The following PHF24 variants were observed in gnomAD, a reference collection of about 807,000 sequenced individuals.
PHF24 encodes Galpha inhibitory interacting protein.
Under a neutral mutation model 42.6 loss-of-function variants are expected in PHF24, and 25 were observed. That is an observed-to-expected ratio of 0.59 (90% CI 0.43 to 0.82). The LOEUF (loss-of-function observed/expected upper bound fraction) is 0.82. PHF24 is among the 40% of genes least tolerant of loss of function. The probability of loss-of-function intolerance (pLI) is 0.00; values close to 1 mark genes in which losing one functional copy is unlikely to be tolerated. For missense variants in PHF24, 470 were observed against 538.1 expected, an observed-to-expected ratio of 0.87 and a Z score of 1.25; for synonymous variants, 185 against 204.8, an observed-to-expected ratio of 0.90 and a Z score of 0.83.
chr9:34,757,390 G>A, the PHF24 span, among the ~76,000 whole-genome samples: 5 of 151,544 alleles, frequency 3.3e-5, no homozygotes, highest in African/African-American at 1.2e-4. Flanking sequence ...CTGCAACTTT[G>A]CTGAATGTGT....
At chr9:34,724,137 T>C in the PHF24 span, 6 of 1,546,596 alleles carry the variant, frequency 3.9e-6, no homozygotes, top group East Asian at 1.2e-4. Flanking sequence ...GGGTCCTTGC[T>C]CTTGCTAGGG....
At chr9:34,855,482 C>T in the PHF24 span, among the ~76,000 whole-genome samples, 2 of 152,120 alleles carry the variant, frequency 1.3e-5, no homozygotes, top group Admixed American at 6.5e-5. Flanking sequence ...GTGACGAATT[C>T]CCTTAACATT....
chr9:34,762,799 T>C, the PHF24 span, among the ~76,000 whole-genome samples: 1 of 152,342 alleles, frequency 6.6e-6, no homozygotes, highest in East Asian at 1.9e-4. Flanking sequence ...TGGTATTGCC[T>C]AGGTTTTCTT....
exon 2 of PHF24, chr9:34,971,432 G>C (rs775490664): frequency 6.2e-7 from 1 of 1,614,170 alleles, no homozygotes; most frequent in South Asian, 1.1e-5. Context: ...GGGTCCCGCC[G>C]TGGCACTGTA....
the PHF24 span, chr9:34,723,341 C>T: frequency 1.2e-5 from 19 of 1,551,622 alleles, no homozygotes; most frequent in East Asian, 4.9e-5. Context: ...GGAGTGTAGC[C>T]GGAGCTTATC....
chr9:34,698,301 TGTG>T, the PHF24 span, among the ~76,000 whole-genome samples: 5 of 152,222 alleles, frequency 3.3e-5, no homozygotes, highest in Admixed American at 1.3e-4. Context: ...TTTTTCAAGA[TGTG>T]GTGAAATTTC....
chr9:34,825,062 A>G, the PHF24 span, among the ~76,000 whole-genome samples: 2 of 152,014 alleles, frequency 1.3e-5, no homozygotes, highest in African/African-American at 4.8e-5. Flanking sequence ...TACATATGAG[A>G]TCATGTCTTG....
At chr9:34,856,959 T>G in the PHF24 span, among the ~76,000 whole-genome samples, 2 of 151,872 alleles carry the variant, frequency 1.3e-5, no homozygotes, top group Admixed American at 6.6e-5. Context: ...CTGGCTGGAG[T>G]TGCTAAAATT....
chr9:34,840,158 A>C, the PHF24 span, among the ~76,000 whole-genome samples: 4 of 152,104 alleles, frequency 2.6e-5, no homozygotes, highest in Non-Finnish European at 4.4e-5. Context: ...TTAATCACTT[A>C]GATTAATTGA....
the PHF24 span, among the ~76,000 whole-genome samples, chr9:34,747,780 C>T: frequency 3.9e-5 from 6 of 152,052 alleles, no homozygotes; most frequent in African/African-American, 4.8e-5. Context: ...CCTGATGACC[C>T]GGAAATTCCA....
At chr9:34,719,865 CT>C in the PHF24 span, among the ~76,000 whole-genome samples, 2 of 152,226 alleles carry the variant, frequency 1.3e-5, no homozygotes, top group South Asian at 4.1e-4. Flanking sequence ...AGGAAAACAT[CT>C]GTTGAATGTT....
the PHF24 span, among the ~76,000 whole-genome samples, chr9:34,874,035 A>G: frequency 1.3e-5 from 2 of 152,178 alleles, no homozygotes; most frequent in Admixed American, 6.5e-5. Context: ...TGATTTTTGC[A>G]CATTGATTTT....
chr9:34,813,534 T>G, the PHF24 span, among the ~76,000 whole-genome samples: 1 of 152,262 alleles, frequency 6.6e-6, no homozygotes, highest in Non-Finnish European at 1.5e-5. Context: ...AGAATCTTCT[T>G]CCAAGCTCAC....
the PHF24 span, among the ~76,000 whole-genome samples, chr9:34,884,325 TAACA>T: frequency 2.6e-5 from 4 of 152,278 alleles, no homozygotes; most frequent in South Asian, 8.3e-4. Flanking sequence ...TATACATATG[TAACA>T]AACCTGCACA....
the PHF24 span, among the ~76,000 whole-genome samples, chr9:34,743,208 A>C: frequency 6.6e-6 from 1 of 152,226 alleles, no homozygotes; most frequent in African/African-American, 2.4e-5. Flanking sequence ...TTTATAAAAA[A>C]TCATGTCTTT....
the PHF24 span, chr9:34,727,095 G>GCCCTATACCCTCCCTGCCCA: frequency 6.9e-7 from 1 of 1,448,640 alleles, no homozygotes. Context: ...AAACCCTGGG[G>GCCCTATACCCTCCCTGCCCA]CCTATACCAT....
At chr9:34,689,823 C>T in the PHF24 span, 1 of 1,614,074 alleles carries the variant, frequency 6.2e-7, no homozygotes, top group African/African-American at 1.3e-5. The surrounding 1 kb of genome is among the most constrained non-coding windows in gnomAD (Gnocchi z 4.1). Flanking sequence ...CATAGGTTAA[C>T]TGCTGCGGCG....
At chr9:34,972,128 C>G (rs116819857) in intron 2 of PHF24, among the ~76,000 whole-genome samples, 1 of 152,184 alleles carries the variant, frequency 6.6e-6, no homozygotes, top group Admixed American at 6.5e-5. Context: ...TAGTAGCTCC[C>G]TGTTCATAAA....
At chr9:34,725,724 G>C in the PHF24 span, 34 of 1,547,060 alleles carry the variant, frequency 2.2e-5, no homozygotes, top group Non-Finnish European at 3.0e-5. Flanking sequence ...ATCTGAGCTC[G>C]TTGATGGTCA....
Sources: allele counts gnomAD v4.1 joint callset (sites outside exome capture counted in the v4.1 genomes callset), GRCh38; gene constraint gnomAD v4.1.1; non-coding constraint Gnocchi (gnomAD v3.1); transcripts MANE v1.5; gene names NCBI Gene and HGNC (gene_info 2026-07-23, HGNC 2026-07-21).